Variants in SP2 observed in about 807,000 individuals in gnomAD.
SP2 encodes the protein Sp2 transcription factor, also known as transcription factor Sp2.
In SP2, 9 loss-of-function variants were observed where a neutral mutation model predicts 50.1. The observed-to-expected ratio is 0.18, with a 90% CI of 0.11 to 0.31. The LOEUF is 0.31. Among genes scored for constraint, SP2 ranks in the 10% least tolerant of loss-of-function variants. The probability of loss-of-function intolerance (pLI) is 1.00; values close to 1 mark genes in which losing one functional copy is unlikely to be tolerated. For synonymous variants in SP2, 313 were observed against 326.6 expected, an observed-to-expected ratio of 0.96 and a Z score of 0.45; for missense variants, 581 against 806.5, an observed-to-expected ratio of 0.72 and a Z score of 3.39.
chr17:47,911,336 G>C (rs749542808), intron 1 of SP2, among the ~76,000 whole-genome samples: 3 of 150,954 alleles, frequency 2.0e-5, no homozygotes, highest in Non-Finnish European at 4.4e-5. Flanking sequence ...GAGGTCAGGA[G>C]TTTGAGACCA....
At chr17:47,931,426 C>T (rs1020841814), downstream of SP2, among the ~76,000 whole-genome samples, 1 of 152,150 alleles carries the variant, frequency 6.6e-6, no homozygotes, top group Non-Finnish European at 1.5e-5. Context: ...ATGTTACAGC[C>T]TGCCACACGA....
At position 47,927,965 on chromosome 17, in the gene SP2, G is replaced by C; in HGVS notation, c.*141G>C. On this transcript the variant is annotated 3_prime_UTR_variant, in exon 7 of 7. Transcript: ENST00000376741. ...TCTGCAACTGTCCCCACAGGAAGGG[G>C]CTCTGTTCCCTGTATTGTCCTCCTT... is the stretch of plus-strand genomic sequence containing the variant. 1 of 633,262 alleles carries C rather than the reference G, an allele frequency of 1.6e-6. No homozygotes were observed. The highest frequency in any genetic ancestry group is 1.8e-5 in the South Asian group (1 of 54,374). The allele number at this position is 633,262 out of a possible 1,614,324, so 39.2% of individuals were successfully genotyped here.
At chr17:47,901,105 G>A (rs534488660) in intron 1 of SP2, among the ~76,000 whole-genome samples, 2 of 152,148 alleles carry the variant, frequency 1.3e-5, no homozygotes, top group African/African-American at 2.4e-5. Flanking sequence ...AGAATTAAGG[G>A]TGGAGACAGA....
chr17:47,899,625 G>A (rs181002826), intron 1 of SP2: 1 of 152,340 alleles, frequency 6.6e-6, no homozygotes. Context: ...TTTTTCTGCT[G>A]CCTCTGGGGA....
At position 47,925,128 on chromosome 17, in the gene SP2, G is replaced by A. The variant is rs765112359; in HGVS notation, c.1547+35G>A. 5.1e-6 allele frequency: 8 copies of A among 1,570,160 alleles called. No individual in the cohort carries two copies. The East Asian group carries it at 1.8e-4, about 35-fold the overall frequency. On this transcript the variant is annotated intron_variant, in intron 5 of 6. Transcript: ENST00000376741. ...GGAGAAGGCCCAAGCCACAAGGCTG[G>A]CCTGTGTTCCCCAAGCCCCTCCTGG...
chr17:47,904,387 AGAAAAGCTAGC>A (rs1166330909), intron 1 of SP2, among the ~76,000 whole-genome samples: 1 of 152,172 alleles, frequency 6.6e-6, no homozygotes, highest in Non-Finnish European at 1.5e-5. Flanking sequence ...AGCAGGTTTA[AGAAAAGCTAGC>A]GGGAGAGAAA....
Position 47,925,366 on chromosome 17 carries a change from G to T in SP2, c.1566G>T (p.Lys522Asn). 6.2e-7 allele frequency: 1 copy of T among 1,613,824 alleles called. No individual in the cohort carries two copies. Among genetic ancestry groups the T allele is most frequent in the East Asian group, 2.2e-5 (1 of 44,886 alleles). The change falls in exon 6 of 7, where the codon AAG becomes AAT. Residue 522 changes from lysine (K) to asparagine (N), a missense_variant. Coordinates refer to ENST00000376741, the MANE Select transcript of SP2 (RefSeq NM_003110.6). ...TTCTCAGGTCTGGAGAGCAGGGCAA[G>T]AAGAAGCACGTGTGCCACATCCCCG... ...DGEKRSGEQG[K>N]KKHVCHIPDC...
Position 47,896,301 on chromosome 17 carries a change from C to T in SP2, c.7+8C>T, listed in dbSNP as rs1169741615. On this transcript the variant is annotated splice_region_variant and intron_variant, in intron 1 of 6. Transcript: ENST00000376741. ...AAGATGTCGTAATGAGCGGTGGGTC[C>T]CGGCCGCTGCCGGCGGGGTCTTCCC... The T allele has an allele frequency of 8.1e-7, 1 of 1,238,002 alleles. No homozygotes were observed. The highest frequency in any genetic ancestry group is 1.0e-6 in the Non-Finnish European group (1 of 988,064). The allele number at this position is 1,238,002 out of a possible 1,614,324, so 76.7% of individuals were successfully genotyped here. A position where few individuals can be genotyped will look rare whatever the true frequency, so the allele number is the denominator to read the frequency against.
At chr17:47,920,476 T>TG (rs1385879325) in intron 3 of SP2, among the ~76,000 whole-genome samples, 1 of 151,968 alleles carries the variant, frequency 6.6e-6, no homozygotes, top group African/African-American at 2.4e-5. Flanking sequence ...TTAGTAGAGA[T>TG]GGGGTTTCAC....
intron 1 of SP2, among the ~76,000 whole-genome samples, chr17:47,901,336 G>A (rs1389083180): frequency 6.6e-6 from 1 of 152,078 alleles, no homozygotes; most frequent in Non-Finnish European, 1.5e-5. Flanking sequence ...TAGAAGAGAC[G>A]GGGTTTCACT....
chr17:47,921,712 A>G (rs890519980), intron 3 of SP2, among the ~76,000 whole-genome samples: 5 of 152,166 alleles, frequency 3.3e-5, no homozygotes, highest in African/African-American at 7.2e-5. Context: ...AAGTGTTCCA[A>G]GCTTTCCTTG....
At chr17:47,900,050 G>C (rs1048450069) in intron 1 of SP2, 3 of 152,248 alleles carry the variant, frequency 2.0e-5, no homozygotes, top group Admixed American at 6.5e-5. Context: ...GCAGTGCAGA[G>C]GCTTAGCTTT....
intron 1 of SP2, among the ~76,000 whole-genome samples, chr17:47,903,949 C>T (rs550120596): frequency 6.5e-5 from 9 of 139,200 alleles, no homozygotes; most frequent in Admixed American, 5.7e-4. Context: ...GGCAACAGAG[C>T]GAGACTTTGT....
chr17:47,916,459 A>G lies in SP2; in HGVS notation c.388A>G (p.Ile130Val), dbSNP rs778493670. 49 of 1,614,018 alleles carry G rather than the reference A, an allele frequency of 3.0e-5. No homozygotes were observed. The highest frequency in any genetic ancestry group is 3.8e-5 in the Non-Finnish European group (45 of 1,180,034). The change falls in exon 3 of 7, where the codon ATC becomes GTC. Residue 130 changes from isoleucine (I) to valine (V), a missense_variant. Around this residue, in one of 2 missense-constraint regions of SP2, gnomAD observed 397 missense variants for 491.0 expected, o/e 0.81. Coordinates refer to ENST00000376741, the MANE Select transcript of SP2 (RefSeq NM_003110.6). The surrounding 1 kb of genome is among the most constrained non-coding windows in gnomAD (Gnocchi z 4.7). Reference protein sequence around the residue: ...INKGTRSNANIQYQAVPQIQA... With the variant: ...INKGTRSNANVQYQAVPQIQA... ...CAAAGGGACCCGATCAAATGCCAAT[A>G]TCCAGTACCAGGCGGTCCCTCAGAT...
At chr17:47,926,791 TG>T (rs1435854510) in intron 6 of SP2, among the ~76,000 whole-genome samples, 1 of 151,646 alleles carries the variant, frequency 6.6e-6, no homozygotes, top group Non-Finnish European at 1.5e-5. Flanking sequence ...ATCTACCACC[TG>T]AAATTGTCCT....
intron 1 of SP2, chr17:47,900,180 A>G (rs1441234927): frequency 1.3e-5 from 2 of 152,262 alleles, no homozygotes; most frequent in Admixed American, 1.3e-4. Context: ...GCCAGCAGAC[A>G]CTAGCGTACA....
intron 4 of SP2, among the ~76,000 whole-genome samples, 180 bp downstream of exon 4, chr17:47,923,454 A>C (rs1013123038): frequency 6.6e-6 from 1 of 152,238 alleles, no homozygotes; most frequent in African/African-American, 2.4e-5. Flanking sequence ...GAGATAGTTT[A>C]AGGCACATGT....
intron 1 of SP2, chr17:47,897,432 T>G (rs1394939473): frequency 6.6e-6 from 1 of 152,280 alleles, no homozygotes; most frequent in Non-Finnish European, 1.5e-5. Flanking sequence ...CTTGTTCACT[T>G]ATTGTTTCCT....
chr17:47,927,032 G>T (rs1249726996), intron 6 of SP2, among the ~76,000 whole-genome samples: 1 of 152,214 alleles, frequency 6.6e-6, no homozygotes, highest in Non-Finnish European at 1.5e-5. Context: ...CTCAGGGCTG[G>T]CAAGGTCAGG....
Sources: gnomAD v4.1 joint callset for allele counts (sites outside exome capture counted in the v4.1 genomes callset) on GRCh38, gnomAD v4.1.1 for gene constraint, gnomAD v4.1.1 regional missense constraint, Gnocchi (gnomAD v3.1) non-coding constraint, MANE v1.5 for transcripts, NCBI Gene and HGNC (gene_info 2026-07-23, HGNC 2026-07-21) for gene names.